PRPF6: variants seen among roughly 807,000 people sequenced by gnomAD.
The protein encoded by PRPF6 is pre-mRNA processing factor 6.
In PRPF6, 42 loss-of-function variants were observed where a neutral mutation model predicts 118.3. The ratio of observed to expected loss-of-function variants is 0.35; its 90% CI spans 0.28 to 0.46. PRPF6 has a LOEUF of 0.46. Among genes scored for constraint, PRPF6 ranks in the 20% least tolerant of loss-of-function variants. The pLI is 1.00. For synonymous variants in PRPF6, 481 were observed against 485.1 expected, an observed-to-expected ratio of 0.99 and a Z score of 0.11; for missense variants, 662 against 1,255.7, an observed-to-expected ratio of 0.53 and a Z score of 7.15.
chr20:64,003,384 C>T (rs1295975694), intron 9 of PRPF6, among the ~76,000 whole-genome samples: 1 of 152,176 alleles, frequency 6.6e-6, no homozygotes, highest in Non-Finnish European at 1.5e-5. Flanking sequence ...GCTGATAGGA[C>T]CGTGCAGATG....
chr20:64,020,540 A>T (rs2059257950), intron 12 of PRPF6, among the ~76,000 whole-genome samples: 1 of 152,230 alleles, frequency 6.6e-6, no homozygotes, highest in South Asian at 2.1e-4. Flanking sequence ...ATCGCCAGTC[A>T]GACGAACCCC....
rs779386217 is a variant in PRPF6 at position 63,999,763 on chromosome 20, A to C, written c.1023+4A>C. The C allele has an allele frequency of 3.1e-6, 5 of 1,613,932 alleles. No individual in the cohort carries two copies. The highest frequency in any genetic ancestry group is 3.3e-5 in the Admixed American group (2 of 59,988). The stretch of plus-strand genomic sequence containing the variant: ...GGGGACGGAGATGTGCCCCAAGGTG[A>C]GGTATTTCCTGGGAGGCGTTTCCTG... On this transcript the variant is annotated splice_donor_region_variant and intron_variant, in intron 8 of 20. Coordinates refer to ENST00000266079, the MANE Select transcript of PRPF6 (RefSeq NM_012469.4).
At chr20:64,004,080 T>G (rs1251142057) in intron 9 of PRPF6, among the ~76,000 whole-genome samples, 1 of 152,236 alleles carries the variant, frequency 6.6e-6, no homozygotes, top group Non-Finnish European at 1.5e-5. Context: ...CTGCCACAGT[T>G]TGATGAATGA....
chr20:64,025,337 C>G (rs1234501554), intron 14 of PRPF6, among the ~76,000 whole-genome samples: 1 of 152,184 alleles, frequency 6.6e-6, no homozygotes, highest in Non-Finnish European at 1.5e-5. Context: ...TCCACCCGCT[C>G]TCTTGGGCGG....
intron 10 of PRPF6, 33 bp downstream of exon 10, chr20:64,010,351 C>T (rs1174285742): frequency 3.2e-6 from 5 of 1,549,892 alleles, no homozygotes; most frequent in Non-Finnish European, 4.4e-6. Context: ...CACCAGAGCC[C>T]AAAGTGGCCA....
chr20:64,003,448 C>G (rs1486037974), intron 9 of PRPF6, among the ~76,000 whole-genome samples: 1 of 152,216 alleles, frequency 6.6e-6, no homozygotes, highest in Non-Finnish European at 1.5e-5. Flanking sequence ...CACTTACTGT[C>G]TACGTCTGTT....
At chr20:63,983,319 TG>T (rs1324029598) in intron 2 of PRPF6, 104 bp downstream of exon 2, 2 of 1,427,018 alleles carry the variant, frequency 1.4e-6, no homozygotes, top group African/African-American at 2.8e-5. Flanking sequence ...GAGTGGCTCA[TG>T]CATTTAAATT....
At chr20:64,006,813 G>C (rs1024400577) in intron 9 of PRPF6, among the ~76,000 whole-genome samples, 5 of 152,232 alleles carry the variant, frequency 3.3e-5, no homozygotes, top group African/African-American at 1.2e-4. Flanking sequence ...GCATCCTACT[G>C]GGCTGCCAGG....
intron 3 of PRPF6, among the ~76,000 whole-genome samples, chr20:63,992,543 C>T (rs1183601797): frequency 6.6e-6 from 1 of 152,150 alleles, no homozygotes; most frequent in East Asian, 1.9e-4. Flanking sequence ...AGGTGTAAGC[C>T]ACCACGCCTG....
intron 2 of PRPF6, 63 bp from the exon 3 acceptor site, chr20:63,984,843 GT>G: frequency 1.7e-6 from 2 of 1,183,654 alleles, no homozygotes; most frequent in Non-Finnish European, 2.5e-6. Context: ...AGAGATCTCC[GT>G]TTCGCTGGTG....
chr20:64,017,298 T>C (rs2059242922), intron 12 of PRPF6, among the ~76,000 whole-genome samples: 1 of 149,566 alleles, frequency 6.7e-6, no homozygotes, highest in Admixed American at 6.6e-5. Flanking sequence ...CCCAAAGTGC[T>C]GGGATCACAG....
At chr20:63,993,226 A>ATTG (rs1491434197) in intron 3 of PRPF6, among the ~76,000 whole-genome samples, 181 bp from the exon 4 acceptor site, 1 of 129,298 alleles carries the variant, frequency 7.7e-6, no homozygotes, top group Admixed American at 8.3e-5. Context: ...AAAAAAAAAA[A>ATTG]TGTGTGTGTG....
chr20:64,012,923 T>C (rs1025532456), intron 11 of PRPF6, among the ~76,000 whole-genome samples: 2 of 150,974 alleles, frequency 1.3e-5, no homozygotes, highest in African/African-American at 2.4e-5. Context: ...GGAAGTCTCA[T>C]GGCTTCTTTT....
In PRPF6 at chr20:64,033,081, T is replaced by G; in HGVS notation, c.*88T>G. On this transcript the variant is annotated 3_prime_UTR_variant, in exon 21 of 21. Coordinates refer to ENST00000266079, the MANE Select transcript of PRPF6 (RefSeq NM_012469.4). ...AGCTGTGTCCTCCTTCATTAAAAGT[T>G]TTTATGTCTCGTGTCAGAACAGGCA... 6.3e-7 allele frequency: 1 copy of G among 1,579,824 alleles called. No individual in the cohort carries two copies. The highest frequency in any genetic ancestry group is 8.6e-7 in the Non-Finnish European group (1 of 1,158,714).
chr20:64,013,556 G>A (rs773329872), intron 11 of PRPF6, among the ~76,000 whole-genome samples: 6 of 151,860 alleles, frequency 4.0e-5, no homozygotes, highest in Non-Finnish European at 8.8e-5. Flanking sequence ...CAATCCTCCC[G>A]CCTTAACCTC....
Position 64,010,231 on chromosome 20 carries a change from G to T in PRPF6, c.1218G>T (p.Leu406Phe). Residue 406 changes from leucine to phenylalanine, a missense_variant, in exon 10 of 21, where the codon TTG becomes TTT. By Grantham distance (22) the Leu-to-Phe change is conservative. Coordinates refer to ENST00000266079, the MANE Select transcript of PRPF6 (RefSeq NM_012469.4). The stretch of plus-strand genomic sequence containing the variant: ...AGCATGTTCCAAACTCGGTTCGCTT[G>T]TGGAAAGCAGCCGTTGAGCTGGAAG... ...ALEHVPNSVR[L>F]WKAAVELEEP... 6.2e-7 allele frequency: 1 copy of T among 1,614,212 alleles called. No homozygotes were observed. Among genetic ancestry groups the T allele is most frequent in the South Asian group, 1.1e-5 (1 of 91,088 alleles).
At position 63,999,620 on chromosome 20, in the gene PRPF6, G is replaced by T; in HGVS notation, c.884G>T (p.Arg295Leu). The change falls in exon 8 of 21, where the codon CGA becomes CTA. Residue 295 changes from arginine to leucine, a missense_variant. By Grantham distance (102) the Arg-to-Leu change is moderately radical (BLOSUM62 -2). Coordinates refer to ENST00000266079, the MANE Select transcript of PRPF6 (RefSeq NM_012469.4). ...GGDINDIKKA[R>L]LLLKSVRETN... is the part of the protein sequence containing the mutation. Reference sequence around the variant, plus strand: ...TCTCATAGTGATATCAAGAAGGCGCGACTGCTCCTCAAGTCTGTTCGGGAG... The same window carrying T: ...TCTCATAGTGATATCAAGAAGGCGCTACTGCTCCTCAAGTCTGTTCGGGAG... 6.2e-7 allele frequency: 1 copy of T among 1,614,108 alleles called. No homozygotes were observed. The highest frequency in any genetic ancestry group is 1.1e-5 in the South Asian group (1 of 91,066).
At chr20:63,987,654 G>A (rs1300738996) in intron 3 of PRPF6, among the ~76,000 whole-genome samples, 2 of 152,230 alleles carry the variant, frequency 1.3e-5, no homozygotes, top group Non-Finnish European at 2.9e-5. Flanking sequence ...TGGAAAAGAA[G>A]AAGTTAAATT....
At chr20:64,002,499 C>T (rs2059172175) in intron 9 of PRPF6, among the ~76,000 whole-genome samples, 1 of 150,976 alleles carries the variant, frequency 6.6e-6, no homozygotes, top group African/African-American at 2.4e-5. Flanking sequence ...CCATGCCTGG[C>T]CAATTTTTGT....
Sources: allele counts gnomAD v4.1 joint callset (sites outside exome capture counted in the v4.1 genomes callset), GRCh38; gene constraint gnomAD v4.1.1; transcripts MANE v1.5; gene names NCBI Gene and HGNC (gene_info 2026-07-23, HGNC 2026-07-21).